The following PTPRN2 variants were observed in gnomAD, a reference collection of about 807,000 sequenced individuals.
The protein encoded by PTPRN2 is receptor-type tyrosine-protein phosphatase N2.
PTPRN2 carries 74 observed loss-of-function variants against 118.8 expected under a neutral mutation model. That is an observed-to-expected ratio of 0.62 (90% CI 0.52 to 0.76). The LOEUF is 0.76. Ranked by LOEUF, PTPRN2 falls within the 30% of genes least tolerant of loss-of-function variation. The probability of loss-of-function intolerance (pLI) is 0.00; values close to 1 mark genes in which losing one functional copy is unlikely to be tolerated. For synonymous variants in PTPRN2, 641 were observed against 608.0 expected (o/e 1.05, Z -0.80); for missense variants, 1,481 against 1,394.4 (o/e 1.06, Z -0.99).
intron 2 of PTPRN2, among the ~76,000 whole-genome samples, chr7:158,390,899 C>T (rs2151377870): frequency 6.6e-6 from 1 of 152,312 alleles, no homozygotes; most frequent in Non-Finnish European, 1.5e-5. Flanking sequence ...AACCCATCCC[C>T]CACGGGTGCC....
chr7:158,151,116 CCCTGCCCACACCGCCCGCCT>C (rs1821030344), intron 6 of PTPRN2, among the ~76,000 whole-genome samples: 3 of 13,236 alleles, frequency 2.3e-4, no homozygotes, highest in Non-Finnish European at 4.9e-4. Flanking sequence ...CTGCTCCTAC[CCCTGCCCACACCGCCCGCCT>C]TTCTATTCCT....
chr7:158,423,575 C>T (rs1815445376), intron 2 of PTPRN2, among the ~76,000 whole-genome samples: 1 of 152,096 alleles, frequency 6.6e-6, no homozygotes, highest in East Asian at 1.9e-4. Context: ...ACTCTGTCAC[C>T]CAGGCTGGAG....
At chr7:158,238,897 T>C (rs1340911146) in intron 3 of PTPRN2, among the ~76,000 whole-genome samples, 1 of 151,894 alleles carries the variant, frequency 6.6e-6, no homozygotes, top group African/African-American at 2.4e-5. Context: ...AGAGCAGAGG[T>C]GTGAAGGCCA....
intron 2 of PTPRN2, among the ~76,000 whole-genome samples, chr7:158,441,206 G>GGCA (rs1817110696): frequency 8.5e-6 from 1 of 117,994 alleles, no homozygotes; most frequent in Non-Finnish European, 1.9e-5. Context: ...TGGTGATGGT[G>GGCA]GTGGTGGTGA....
rs960722689 is a variant in PTPRN2 at position 158,253,518 on chromosome 7, C to T, written c.278-48245G>A. On this transcript the variant is annotated intron_variant, in intron 3 of 22. Transcript: ENST00000389418. ...GAACCCACTGCAAAACCATCTAGGG[C>T]AGGGGCAGCCCCGGGTCTCCAGAGC... 5.9e-5 allele frequency among the ~76,000 whole-genome samples: 9 copies of T among 152,208 alleles called. No individual in the cohort carries two copies. The South Asian group carries it at 1.9e-3, about 31-fold the overall frequency.
intron 11 of PTPRN2, among the ~76,000 whole-genome samples, chr7:157,901,969 G>A (rs548322695): frequency 2.0e-5 from 3 of 152,088 alleles, no homozygotes; most frequent in Non-Finnish European, 2.9e-5. Context: ...CTTCCCGTCC[G>A]TGTTTCCTTG....
Position 158,138,459 on chromosome 7 carries a change from C to T in PTPRN2, c.967G>A (p.Gly323Ser). 6.2e-7 allele frequency: 1 copy of T among 1,613,142 alleles called. No homozygotes were observed. The highest frequency in any genetic ancestry group is 8.5e-7 in the Non-Finnish European group (1 of 1,179,936). ...CCGTCCAGCTCCAGGCCACTCAGGC[C>T]CCTCACCTCAGCCGGCTGCCTCTGC... ...DLQRQPAEVR[G>S]LSGLELDGMA... Residue 323 changes from glycine to serine, a missense_variant, in exon 7 of 23, where the codon GGC becomes AGC. By Grantham distance (56) the Gly-to-Ser change is moderately conservative. Around this residue, in one of 3 missense-constraint regions of PTPRN2, gnomAD observed 1,115 missense variants for 994.2 expected, o/e 1.12. Coordinates refer to ENST00000389418, the MANE Select transcript of PTPRN2 (RefSeq NM_002847.5).
chr7:157,715,477 G>T (rs111414621), intron 12 of PTPRN2, among the ~76,000 whole-genome samples: 3 of 152,342 alleles, frequency 2.0e-5, no homozygotes, highest in African/African-American at 7.2e-5. Flanking sequence ...GTTCTGCTTG[G>T]CGCTGGCTAC....
At chr7:158,471,759 A>T (rs1819872725) in intron 2 of PTPRN2, among the ~76,000 whole-genome samples, 1 of 151,236 alleles carries the variant, frequency 6.6e-6, no homozygotes, top group African/African-American at 2.4e-5. Context: ...ATGAATAAAG[A>T]AAAGGAAAAC....
intron 2 of PTPRN2, among the ~76,000 whole-genome samples, chr7:158,439,764 G>A (rs553175967): frequency 3.3e-5 from 5 of 152,296 alleles, no homozygotes; most frequent in African/African-American, 9.6e-5. Flanking sequence ...GTCTCTGAAC[G>A]ACCAACAAGA....
chr7:157,996,895 C>T (rs1804788051), intron 11 of PTPRN2, among the ~76,000 whole-genome samples: 1 of 152,198 alleles, frequency 6.6e-6, no homozygotes, highest in Admixed American at 6.5e-5. Context: ...GAGACCCAAC[C>T]TCCCTGACAC....
intron 5 of PTPRN2, among the ~76,000 whole-genome samples, chr7:158,175,351 G>A (rs1439405925): frequency 2.6e-5 from 4 of 152,182 alleles, no homozygotes; most frequent in Non-Finnish European, 5.9e-5. Context: ...TGCAGCTCCG[G>A]CTCCGGCTCG....
chr7:157,725,773 TGCG>T (rs1799549451), intron 12 of PTPRN2, among the ~76,000 whole-genome samples: 2 of 46,402 alleles, frequency 4.3e-5, no homozygotes, highest in East Asian at 4.1e-4. Context: ...CGCAGAGGAC[TGCG>T]GCCAGACCCT....
chr7:157,742,652 T>C (rs554371200), intron 12 of PTPRN2, among the ~76,000 whole-genome samples: 2 of 152,320 alleles, frequency 1.3e-5, no homozygotes, highest in South Asian at 2.1e-4. Flanking sequence ...TGGGGGACTG[T>C]TCGCCTGAGC....
intron 6 of PTPRN2, among the ~76,000 whole-genome samples, chr7:158,146,923 C>A (rs1386172019): frequency 6.6e-6 from 1 of 151,394 alleles, no homozygotes; most frequent in Non-Finnish European, 1.5e-5. Context: ...TGAATGACAC[C>A]CCATCTCACG....
intron 12 of PTPRN2, among the ~76,000 whole-genome samples, chr7:157,800,144 C>A (rs926610155): frequency 6.8e-6 from 1 of 146,406 alleles, no homozygotes; most frequent in African/African-American, 2.5e-5. Flanking sequence ...GCACCACAGG[C>A]GGCCTCCCCA....
At chr7:158,236,008 T>C (rs1829511730) in intron 3 of PTPRN2, among the ~76,000 whole-genome samples, 1 of 151,964 alleles carries the variant, frequency 6.6e-6, no homozygotes, top group Non-Finnish European at 1.5e-5. Flanking sequence ...CACGGAGACG[T>C]CGTGGGGGAA....
At chr7:157,910,547 C>T (rs1283138190) in intron 11 of PTPRN2, among the ~76,000 whole-genome samples, 3 of 152,326 alleles carry the variant, frequency 2.0e-5, no homozygotes, top group East Asian at 1.9e-4. Context: ...GCCGTAGGAA[C>T]GGGCGCAGAA....
At chr7:157,663,538 C>T (rs1276519913) in intron 13 of PTPRN2, among the ~76,000 whole-genome samples, 1 of 152,234 alleles carries the variant, frequency 6.6e-6, no homozygotes, top group African/African-American at 2.4e-5. Flanking sequence ...TTGGCCGCTG[C>T]CTCTCCCACT....
Sources: allele counts gnomAD v4.1 joint callset (sites outside exome capture counted in the v4.1 genomes callset), GRCh38; gene constraint gnomAD v4.1.1; regional missense constraint gnomAD v4.1.1; transcripts MANE v1.5; gene names NCBI Gene and HGNC (gene_info 2026-07-23, HGNC 2026-07-21).